The following COL4A1 variants were observed in gnomAD, a reference collection of about 807,000 sequenced individuals.
COL4A1 encodes collagen type IV alpha 1 chain, also known as collagen alpha-1(IV) chain.
In COL4A1, 40 loss-of-function variants were observed where a neutral mutation model predicts 216.6. That is an observed-to-expected ratio of 0.18 (90% CI 0.14 to 0.24). COL4A1 has a LOEUF of 0.24. Among genes scored for constraint, COL4A1 ranks in the 10% least tolerant of loss-of-function variants. The pLI, the probability that COL4A1 is intolerant of heterozygous loss-of-function variation, is 1.00. For synonymous variants in COL4A1, 839 were observed against 810.7 expected, an observed-to-expected ratio of 1.03 and a Z score of -0.59; for missense variants, 1,628 against 2,196.8, an observed-to-expected ratio of 0.74 and a Z score of 5.18.
intron 1 of COL4A1, among the ~76,000 whole-genome samples, chr13:110,259,353 C>G (rs1882710072): frequency 6.6e-6 from 1 of 152,176 alleles, no homozygotes; most frequent in Non-Finnish European, 1.5e-5. Context: ...TTATTCTAAA[C>G]TTTGTGCAAA....
intron 1 of COL4A1, among the ~76,000 whole-genome samples, chr13:110,270,706 T>C (rs558610600): frequency 6.6e-6 from 1 of 152,212 alleles, no homozygotes; most frequent in Non-Finnish European, 1.5e-5. Flanking sequence ...CTGGGGGCAC[T>C]GGCCGAAACT....
intron 1 of COL4A1, among the ~76,000 whole-genome samples, chr13:110,248,905 G>A (rs1881955145): frequency 1.3e-5 from 2 of 152,084 alleles, no homozygotes; most frequent in Non-Finnish European, 1.5e-5. Context: ...TTCGGATAGC[G>A]AAACCTCAAA....
rs1364888994 is a variant in COL4A1, at chr13:110,174,734, C to T, written c.3214G>A (p.Ala1072Thr). Residue 1072 changes from alanine to threonine, a missense_variant, in exon 38 of 52, where the codon GCG (alanine) becomes ACG (threonine). Physicochemically the swap from Ala to Thr is moderately conservative, Grantham distance 58. Around this residue, in one of 8 missense-constraint regions of COL4A1, gnomAD observed 345 missense variants for 476.9 expected, o/e 0.72. Transcript: ENST00000375820. ...TCTCCAGGGCTTCCTGGGAAACCCG[C>T]TATCCCTTGATCTCCCTGCAAGTAA... ...LRGEKGDQGIAGFPGSPGEKG... is the reference protein window; with the variant it reads ...LRGEKGDQGITGFPGSPGEKG... 1 of 1,613,662 alleles carries T rather than the reference C, an allele frequency of 6.2e-7. No individual in the cohort carries two copies. Among genetic ancestry groups the T allele is most frequent in the South Asian group, 1.1e-5 (1 of 91,068 alleles).
chr13:110,171,720 G>A lies in COL4A1; in HGVS notation c.3557-988C>T, dbSNP rs561332878. The stretch of plus-strand genomic sequence containing the variant: ...ATGAGTGGAAAACGCAAGGTGCTGC[G>A]TAGAGTTTGTGCAAGGGCAGTGCAG... On this transcript the variant is annotated intron_variant, in intron 41 of 51. Coordinates refer to ENST00000375820, the MANE Select transcript of COL4A1 (RefSeq NM_001845.6). Among the ~76,000 whole-genome samples the A allele has an allele frequency of 3.9e-5, 6 of 152,332 alleles. No homozygotes were observed. In the South Asian group the frequency reaches 6.2e-4, roughly 16 times the overall value.
At position 110,178,284 on chromosome 13, in the gene COL4A1, A is replaced by G. The variant is rs1877978730; in HGVS notation, c.2459-53T>C. On this transcript the variant is annotated intron_variant, in intron 31 of 51. Coordinates refer to ENST00000375820, the MANE Select transcript of COL4A1 (RefSeq NM_001845.6). The stretch of plus-strand genomic sequence containing the variant: ...TTTAGCAGAATTTACAGAATGATCT[A>G]CAATGTACAGTGCTCTGTTTAACTA... The G allele has an allele frequency of 1.9e-5, 30 of 1,607,874 alleles. No individual in the cohort carries two copies. The South Asian group carries it at 3.2e-4, about 17-fold the overall frequency.
At chr13:110,254,865 A>G (rs780701753) in intron 1 of COL4A1, among the ~76,000 whole-genome samples, 1 of 152,164 alleles carries the variant, frequency 6.6e-6, no homozygotes, top group African/African-American at 2.4e-5. Context: ...ATGCAACTGA[A>G]CAGGCCTGCT....
intron 1 of COL4A1, among the ~76,000 whole-genome samples, chr13:110,282,768 G>T (rs979453128): frequency 5.9e-5 from 9 of 152,156 alleles, no homozygotes; most frequent in African/African-American, 2.2e-4. Flanking sequence ...ACCTGTGTTG[G>T]CTTCCAGGGA....
intron 1 of COL4A1, among the ~76,000 whole-genome samples, chr13:110,247,731 C>A (rs1380831036): frequency 2.0e-5 from 3 of 151,018 alleles, no homozygotes; most frequent in African/African-American, 7.3e-5. Flanking sequence ...AAAGCTCACT[C>A]ATTCTGTTTA....
chr13:110,187,037 A>T (rs1324304149), intron 25 of COL4A1, 101 bp downstream of exon 25: 5 of 1,426,872 alleles, frequency 3.5e-6, no homozygotes, highest in Non-Finnish European at 4.9e-6. Flanking sequence ...GCCATCATCA[A>T]GGAGATAGAA....
chr13:110,191,880 C>T (rs1283858123), intron 24 of COL4A1, among the ~76,000 whole-genome samples: 1 of 152,160 alleles, frequency 6.6e-6, no homozygotes, highest in Non-Finnish European at 1.5e-5. Flanking sequence ...GGGGGTGGCT[C>T]CTGTGACACC....
At chr13:110,273,952 A>G (rs1883343514) in intron 1 of COL4A1, among the ~76,000 whole-genome samples, 1 of 152,240 alleles carries the variant, frequency 6.6e-6, no homozygotes, top group East Asian at 1.9e-4. Flanking sequence ...CATTTCAAAA[A>G]TCCTGACTTC....
In COL4A1 at chr13:110,217,142, T is replaced by C. The variant is rs16975620; in HGVS notation, c.145-3127A>G. 7.4e-3 allele frequency among the ~76,000 whole-genome samples: 1,128 copies of C among 152,192 alleles called. 41 individuals are homozygous for C. The highest frequency in any genetic ancestry group is 0.05 in the East Asian group (261 of 5,182). ...CTAATACTCTGTACCCTGTCCAAGG[T>C]TATTATGGGAACCAGAGCAGAGCAA... On this transcript the variant is annotated intron_variant, in intron 2 of 51. Coordinates refer to ENST00000375820, the MANE Select transcript of COL4A1 (RefSeq NM_001845.6).
chr13:110,195,418 A>G (rs1242047670), intron 21 of COL4A1, among the ~76,000 whole-genome samples: 5 of 152,186 alleles, frequency 3.3e-5, no homozygotes, highest in Admixed American at 6.5e-5. Flanking sequence ...CATCTTGCGA[A>G]GTGCCTACCA....
chr13:110,215,791 G>A (rs936158941), intron 2 of COL4A1, among the ~76,000 whole-genome samples: 5 of 152,112 alleles, frequency 3.3e-5, no homozygotes, highest in Admixed American at 6.6e-5. Flanking sequence ...AAAATCAACC[G>A]ACAAGCTACA....
chr13:110,187,110 C>T lies in COL4A1; in HGVS notation c.1728+28G>A. ...CTTTGCAGATCCACACTGTAAAATG[C>T]ACATTCAAAGTCTGGAGATAAACAT... On this transcript the variant is annotated intron_variant, in intron 25 of 51. Coordinates refer to ENST00000375820, the MANE Select transcript of COL4A1 (RefSeq NM_001845.6). The T allele has an allele frequency of 2.5e-6, 4 of 1,612,754 alleles. No homozygotes were observed. The Middle Eastern group carries it at 5.0e-4, about 200-fold the overall frequency.
chr13:110,162,084 G>A, intron 48 of COL4A1, 146 bp downstream of exon 48: 1 of 803,792 alleles, frequency 1.2e-6, no homozygotes, highest in Non-Finnish European at 2.2e-6. Context: ...GGGCCGGGCT[G>A]CTTTTTCACT....
At chr13:110,187,039 G>C (rs888570260) in intron 25 of COL4A1, 99 bp downstream of exon 25, 83 of 1,432,202 alleles carry the variant, frequency 5.8e-5, no homozygotes, top group Admixed American at 8.5e-5. Context: ...CATCATCAAG[G>C]AGATAGAAAT....
chr13:110,197,857 C>T (rs1332484719), intron 21 of COL4A1, among the ~76,000 whole-genome samples: 1 of 152,218 alleles, frequency 6.6e-6, no homozygotes, highest in Non-Finnish European at 1.5e-5. Flanking sequence ...GTTCCAAAGG[C>T]TGGCTCCAGG....
At chr13:110,272,709 C>A (rs61963356) in intron 1 of COL4A1, among the ~76,000 whole-genome samples, 23,312 of 152,220 alleles carry the variant, frequency 0.15, 2,064 homozygotes, top group Non-Finnish European at 0.19. Flanking sequence ...TTGCCTAATC[C>A]TTTTCTTGCC....
Sources: gnomAD v4.1 joint callset for allele counts (sites outside exome capture counted in the v4.1 genomes callset) on GRCh38, gnomAD v4.1.1 for gene constraint, gnomAD v4.1.1 regional missense constraint, MANE v1.5 for transcripts, NCBI Gene and HGNC (gene_info 2026-07-23, HGNC 2026-07-21) for gene names.